Variants in GNG2 observed in about 807,000 individuals in gnomAD.
GNG2 encodes the protein G protein subunit gamma 2, also known as guanine nucleotide-binding protein G(I)/G(S)/G(O) subunit gamma-2.
Under a neutral mutation model 5.5 loss-of-function variants are expected in GNG2, and 5 were observed. That is an observed-to-expected ratio of 0.91 (90% CI 0.48 to 1.92). GNG2 has a LOEUF of 1.92. Among genes scored for constraint, GNG2 ranks in the 30% most tolerant of loss-of-function variants. The pLI is 0.01. For synonymous variants in GNG2, 28 were observed against 32.0 expected (o/e 0.88, Z 0.42); for missense variants, 55 against 88.4 (o/e 0.62, Z 1.52).
intron 2 of GNG2, chr14:51,841,631 A>G (rs1881485816): frequency 4.4e-6 from 3 of 683,092 alleles, no homozygotes; most frequent in Admixed American, 4.3e-5. Flanking sequence ...AGGAAAGAAA[A>G]CAAGCAAGCA....
intron 3 of GNG2, among the ~76,000 whole-genome samples, chr14:51,966,209 C>CAAAAAAAAAAA (rs34653524): frequency 1.3e-3 from 36 of 28,130 alleles, no homozygotes; most frequent in Admixed American, 2.1e-3. Flanking sequence ...GACTGCATCT[C>CAAAAAAAAAAA]AAAAAAAAAA....
At chr14:51,950,579 T>C (rs776212368) in intron 2 of GNG2, 71 bp from the exon 3 acceptor site, 1 of 928,932 alleles carries the variant, frequency 1.1e-6, no homozygotes. Context: ...GATCCCCTAG[T>C]TACGATGAAC....
At chr14:51,887,709 T>C (rs1417807154) in intron 2 of GNG2, among the ~76,000 whole-genome samples, 1 of 152,190 alleles carries the variant, frequency 6.6e-6, no homozygotes, top group Non-Finnish European at 1.5e-5. Context: ...AGCGTAATAC[T>C]GACTGTGACC....
At chr14:51,906,944 A>C (rs951395989) in intron 2 of GNG2, among the ~76,000 whole-genome samples, 1 of 151,732 alleles carries the variant, frequency 6.6e-6, no homozygotes, top group Non-Finnish European at 1.5e-5. Context: ...TTTAGTAGAG[A>C]CGGGGTTTCA....
chr14:51,854,636 C>A (rs1256379820), intron 2 of GNG2, among the ~76,000 whole-genome samples: 1 of 152,076 alleles, frequency 6.6e-6, no homozygotes, highest in Non-Finnish European at 1.5e-5. Context: ...TCAGCTCCCC[C>A]CGAGTAGCTG....
In GNG2 at chr14:51,842,304, CAT is replaced by C. The variant is rs1254188393; in HGVS notation, c.64+14498_64+14499del. On this transcript the variant is annotated intron_variant, in intron 2 of 3. Transcript: ENST00000553432. ...TTTTCTAAAAAATTCAATTTTAATA[CAT>C]GTTATTTTGTAGAGAGAACAAGGAA... is the stretch of plus-strand genomic sequence containing the variant. 4.6e-5 allele frequency among the ~76,000 whole-genome samples: 7 copies of C among 152,280 alleles called. 1 individual carries two copies. The highest frequency in any genetic ancestry group is 1.4e-4 in the African/African-American group (6 of 41,544).
At chr14:51,934,170 C>T (rs1421712184) in intron 2 of GNG2, among the ~76,000 whole-genome samples, 1 of 151,990 alleles carries the variant, frequency 6.6e-6, no homozygotes, top group Non-Finnish European at 1.5e-5. Flanking sequence ...TAAAGCAGCA[C>T]GTGAGGGCAT....
chr14:51,944,001 C>T (rs1888499900), intron 2 of GNG2, among the ~76,000 whole-genome samples: 1 of 152,142 alleles, frequency 6.6e-6, no homozygotes, highest in Admixed American at 6.5e-5. Flanking sequence ...TGAAACAGAA[C>T]AAGTTGGAAG....
chr14:51,936,907 A>G (rs1317947291), intron 2 of GNG2, among the ~76,000 whole-genome samples: 1 of 152,190 alleles, frequency 6.6e-6, no homozygotes, highest in Admixed American at 6.5e-5. Context: ...TATCTGTAAG[A>G]TAAACTCCTG....
At chr14:51,927,870 G>T (rs2140238430) in intron 2 of GNG2, among the ~76,000 whole-genome samples, 1 of 152,156 alleles carries the variant, frequency 6.6e-6, no homozygotes, top group Non-Finnish European at 1.5e-5. Context: ...TGTTGTTGTT[G>T]TTGTTGTTGT....
At chr14:51,924,761 G>A (rs772966823) in intron 2 of GNG2, among the ~76,000 whole-genome samples, 1 of 152,222 alleles carries the variant, frequency 6.6e-6, no homozygotes, top group Admixed American at 6.5e-5. Flanking sequence ...CCTACTGAAA[G>A]TGTAAATAAT....
intron 2 of GNG2, among the ~76,000 whole-genome samples, chr14:51,838,640 C>T (rs1158663353): frequency 6.6e-6 from 1 of 152,148 alleles, no homozygotes; most frequent in Non-Finnish European, 1.5e-5. Context: ...ATACAGCATT[C>T]ATATGTTAAA....
intron 2 of GNG2, among the ~76,000 whole-genome samples, chr14:51,947,453 A>G (rs1047649155): frequency 6.6e-6 from 1 of 152,190 alleles, no homozygotes; most frequent in African/African-American, 2.4e-5. Context: ...AGGAGGTCAG[A>G]GTGATGTGAC....
At chr14:51,901,331 T>C (rs1162405377) in intron 2 of GNG2, among the ~76,000 whole-genome samples, 1 of 151,842 alleles carries the variant, frequency 6.6e-6, no homozygotes, top group Non-Finnish European at 1.5e-5. Context: ...GGACCACAGG[T>C]GTGCACCACC....
At chr14:51,934,709 G>A (rs576940725) in intron 2 of GNG2, among the ~76,000 whole-genome samples, 21 of 152,234 alleles carry the variant, frequency 1.4e-4, no homozygotes, top group Admixed American at 1.0e-3. Context: ...AGACCTCGGG[G>A]TGCCGGTCAG....
intron 2 of GNG2, among the ~76,000 whole-genome samples, chr14:51,892,073 T>C (rs931426335): frequency 1.3e-5 from 2 of 152,064 alleles, no homozygotes; most frequent in Admixed American, 6.6e-5. Flanking sequence ...AACAGTTAAG[T>C]GTTGGACAGA....
rs562807317 is a variant in GNG2, at chr14:51,953,711, G to C, written c.87+2946G>C. On this transcript the variant is annotated intron_variant, in intron 3 of 3. Transcript: ENST00000556766. Reference sequence around the variant, plus strand: ...ATTTTTAGTTGAGCAGTTGGATAAAGTGTTGACTGTGTTGACACGGTTGTC... The same window carrying C: ...ATTTTTAGTTGAGCAGTTGGATAAACTGTTGACTGTGTTGACACGGTTGTC... Among the ~76,000 whole-genome samples the C allele has an allele frequency of 3.3e-5, 5 of 152,338 alleles. No individual in the cohort carries two copies. In the East Asian group the frequency reaches 9.6e-4, roughly 29 times the overall value.
chr14:51,845,249 G>T (rs1452069980), intron 2 of GNG2, among the ~76,000 whole-genome samples: 3 of 152,178 alleles, frequency 2.0e-5, no homozygotes, highest in Admixed American at 2.0e-4. Context: ...CCAGCACTTT[G>T]GGAGACCAAG....
At chr14:51,959,961 C>T (rs911745538) in intron 3 of GNG2, among the ~76,000 whole-genome samples, 4 of 152,070 alleles carry the variant, frequency 2.6e-5, no homozygotes, top group African/African-American at 4.8e-5. Flanking sequence ...GCCTTGGTGT[C>T]GTTTGATTTA....
Sources: allele counts gnomAD v4.1 joint callset (sites outside exome capture counted in the v4.1 genomes callset), GRCh38; gene constraint gnomAD v4.1.1; transcripts MANE v1.5; gene names NCBI Gene and HGNC (gene_info 2026-07-23, HGNC 2026-07-21).